The following MICAL2 variants were observed in gnomAD, a reference collection of about 807,000 sequenced individuals.
MICAL2 encodes the protein microtubule associated monooxygenase, calponin and LIM domain containing 2, also known as [F-actin]-monooxygenase MICAL2.
Under a neutral mutation model 127.3 loss-of-function variants are expected in MICAL2, and 77 were observed. The observed-to-expected ratio is 0.60, with a 90% CI of 0.50 to 0.73. MICAL2 has a LOEUF of 0.73. MICAL2 is among the 30% of genes least tolerant of loss of function. MICAL2 has a pLI of 0.00. For missense variants in MICAL2, 1,351 were observed against 1,434.4 expected (o/e 0.94, Z 0.94); for synonymous variants, 570 against 551.1 (o/e 1.03, Z -0.48).
At chr11:12,192,622 A>G (rs375066914) in intron 3 of MICAL2, among the ~76,000 whole-genome samples, 3 of 152,262 alleles carry the variant, frequency 2.0e-5, no homozygotes, top group East Asian at 1.9e-4. Flanking sequence ...TATTAAAAAT[A>G]CAAAAATTAC....
At chr11:12,239,283 C>T (rs185484824) in intron 16 of MICAL2, among the ~76,000 whole-genome samples, 153 bp from the exon 17 acceptor site, 5 of 152,270 alleles carry the variant, frequency 3.3e-5, no homozygotes, top group East Asian at 3.9e-4. Context: ...ATTGCCTCTG[C>T]GGGGGTGGCC....
chr11:12,332,418 T>C (rs1938659713), intron 32 of MICAL2, among the ~76,000 whole-genome samples: 1 of 152,196 alleles, frequency 6.6e-6, no homozygotes, highest in African/African-American at 2.4e-5. Flanking sequence ...TGTCACATAA[T>C]ATAATGGGAT....
chr11:12,152,104 A>T (rs1204674466), intron 2 of MICAL2, among the ~76,000 whole-genome samples: 2 of 149,160 alleles, frequency 1.3e-5, no homozygotes, highest in Non-Finnish European at 3.0e-5. Context: ...CCTGGCCAAC[A>T]TGGTGAAACC....
At chr11:12,156,602 T>C (rs570110715) in intron 2 of MICAL2, among the ~76,000 whole-genome samples, 1 of 152,114 alleles carries the variant, frequency 6.6e-6, no homozygotes, top group East Asian at 1.9e-4. Flanking sequence ...CTGGAAGTGC[T>C]CCTTTTGGTT....
downstream of MICAL2, among the ~76,000 whole-genome samples, chr11:12,295,981 G>T (rs2134794326): frequency 6.6e-6 from 1 of 151,974 alleles, no homozygotes; most frequent in South Asian, 2.1e-4. Flanking sequence ...GAAAATGTAG[G>T]CTTTTTAAAT....
chr11:12,232,159 T>C (rs1858378456), intron 15 of MICAL2, among the ~76,000 whole-genome samples: 2 of 152,236 alleles, frequency 1.3e-5, no homozygotes, highest in South Asian at 4.1e-4. Flanking sequence ...GATGATTAAA[T>C]GAAGATGCTT....
At chr11:12,348,475 G>T (rs1209270053) in intron 32 of MICAL2, among the ~76,000 whole-genome samples, 1 of 152,138 alleles carries the variant, frequency 6.6e-6, no homozygotes, top group South Asian at 2.1e-4. Context: ...CCAAGAGGGG[G>T]TCCTAGAACT....
At chr11:12,360,462 T>C (rs376709392), downstream of MICAL2, among the ~76,000 whole-genome samples, 83 of 152,290 alleles carry the variant, frequency 5.5e-4, no homozygotes, top group African/African-American at 1.9e-3. Context: ...GAATATCAAC[T>C]CATTATAAGA....
chr11:12,127,939 G>A (rs2013493), intron 1 of MICAL2, among the ~76,000 whole-genome samples: 27,886 of 152,106 alleles, frequency 0.18, 2,992 homozygotes, highest in South Asian at 0.37. Flanking sequence ...TTTCAGGCAC[G>A]TTTTCAAGAG....
Position 12,145,459 on chromosome 11 carries a change from G to C in MICAL2, c.-78+6999G>C, listed in dbSNP as rs544910091. Among the ~76,000 whole-genome samples the C allele has an allele frequency of 8.8e-4, 134 of 152,308 alleles. 1 individual carries two copies. The South Asian group carries it at 9.9e-3, about 11-fold the overall frequency. On this transcript the variant is annotated intron_variant, in intron 2 of 27. Transcript: ENST00000683283. ...ATAGCGACAATGATCTACTGGGAAT[G>C]CTGGCCCTGGAGAAAGCAGGGGGAG...
chr11:12,302,744 C>T (rs1864061470), intron 29 of MICAL2, among the ~76,000 whole-genome samples: 1 of 152,026 alleles, frequency 6.6e-6, no homozygotes, highest in Non-Finnish European at 1.5e-5. Context: ...AGTACAGAAG[C>T]CTCAAACTTT....
chr11:12,167,845 T>G (rs908234156), intron 3 of MICAL2, among the ~76,000 whole-genome samples: 1 of 152,172 alleles, frequency 6.6e-6, no homozygotes, highest in Non-Finnish European at 1.5e-5. Flanking sequence ...TGAGTGTGTG[T>G]GTTGGGCATT....
chr11:12,332,222 G>A (rs1015827739), intron 32 of MICAL2, among the ~76,000 whole-genome samples: 3 of 152,136 alleles, frequency 2.0e-5, no homozygotes, highest in African/African-American at 7.2e-5. Context: ...ATAACTATTT[G>A]TTCTCAAAAG....
At chr11:12,273,880 T>G (rs1186554331), upstream of MICAL2, among the ~76,000 whole-genome samples, 1 of 152,070 alleles carries the variant, frequency 6.6e-6, no homozygotes, top group African/African-American at 2.4e-5. Context: ...GAGGTCACTG[T>G]GGACTGTGCT....
Position 12,213,436 on chromosome 11 carries a change from C to A in MICAL2, c.847+26C>A. 2.5e-6 allele frequency: 4 copies of A among 1,607,658 alleles called. No homozygotes were observed. The South Asian group carries it at 4.4e-5, about 18-fold the overall frequency. ...GTGGGACCTTCACCTTTCTCCCAAC[C>A]AGGCCAAGGTCTAAAGTTTGCAGTT... On this transcript the variant is annotated intron_variant, in intron 7 of 27. Coordinates refer to ENST00000683283, the MANE Select transcript of MICAL2 (RefSeq NM_001282663.2).
At chr11:12,346,883 A>T (rs967073489) in intron 32 of MICAL2, among the ~76,000 whole-genome samples, 4 of 151,988 alleles carry the variant, frequency 2.6e-5, no homozygotes, top group African/African-American at 9.7e-5. Context: ...TTAACACCTT[A>T]TTTCCCTCCC....
chr11:12,254,202 A>G (rs1243587876), intron 22 of MICAL2: 1 of 152,200 alleles, frequency 6.6e-6, no homozygotes, highest in African/African-American at 2.4e-5. Flanking sequence ...CCATATCACA[A>G]TATCACACAA....
Position 12,216,154 on chromosome 11 carries a change from C to T in MICAL2, c.848-65C>T. The T allele has an allele frequency of 4.1e-6, 5 of 1,218,612 alleles. No individual in the cohort carries two copies. The South Asian group carries it at 6.1e-5, about 15-fold the overall frequency. 75.5% of individuals were successfully genotyped at this position (1,218,612 alleles called of 1,614,324 possible). A position where few individuals can be genotyped will look rare whatever the true frequency, so the allele number is the denominator to read the frequency against. ...ACAAGACCAATAGTGAGGCAAAGTA[C>T]AGTTCCTGGCACACAGTTGGTGCCG... On this transcript the variant is annotated intron_variant, in intron 7 of 27. Coordinates refer to ENST00000683283, the MANE Select transcript of MICAL2 (RefSeq NM_001282663.2).
intron 34 of MICAL2, among the ~76,000 whole-genome samples, chr11:12,356,880 A>T (rs1042192292): frequency 6.6e-6 from 1 of 152,222 alleles, no homozygotes; most frequent in Non-Finnish European, 1.5e-5. Context: ...TCTTATGTTT[A>T]TACATAGGGA....
Sources: gnomAD v4.1 joint callset for allele counts (sites outside exome capture counted in the v4.1 genomes callset) on GRCh38, gnomAD v4.1.1 for gene constraint, MANE v1.5 for transcripts, NCBI Gene and HGNC (gene_info 2026-07-23, HGNC 2026-07-21) for gene names.